The following ATAD2 variants were observed in gnomAD, a reference collection of about 807,000 sequenced individuals.
The protein encoded by ATAD2 is ATPase family AAA domain containing 2, also known as ATPase family AAA domain-containing protein 2.
In ATAD2, 62 loss-of-function variants were observed where a neutral mutation model predicts 168.9. The ratio of observed to expected loss-of-function variants is 0.37; its 90% CI spans 0.30 to 0.45. The LOEUF (loss-of-function observed/expected upper bound fraction) is 0.45. ATAD2 is among the 20% of genes least tolerant of loss of function. The pLI is 1.00. For missense variants in ATAD2, 1,419 were observed against 1,667.8 expected (o/e 0.85, Z 2.60); for synonymous variants, 613 against 571.6 (o/e 1.07, Z -1.03).
chr8:123,339,598 T>A, intron 19 of ATAD2, 152 bp from the exon 20 acceptor site: 1 of 716,536 alleles, frequency 1.4e-6, no homozygotes, highest in South Asian at 2.1e-5. Flanking sequence ...TATGTCCAAA[T>A]AAACCCATCA....
At chr8:123,369,619 T>C (rs1829079119) in intron 7 of ATAD2, among the ~76,000 whole-genome samples, 1 of 152,176 alleles carries the variant, frequency 6.6e-6, no homozygotes, top group Non-Finnish European at 1.5e-5. Context: ...AGCCCAGTTA[T>C]TTGCTTTGGT....
chr8:123,389,985 T>TATATATATATATATATATA (rs1554647643), intron 1 of ATAD2, among the ~76,000 whole-genome samples: 9 of 70,796 alleles, frequency 1.3e-4, no homozygotes, highest in Admixed American at 3.2e-4. Flanking sequence ...TATATATATA[T>TATATATATATATATATATA]TTTTTTTTTT....
At chr8:123,384,720 C>G (rs1320281523) in intron 1 of ATAD2, among the ~76,000 whole-genome samples, 2 of 152,242 alleles carry the variant, frequency 1.3e-5, no homozygotes, top group Non-Finnish European at 2.9e-5. Flanking sequence ...GAACTTCAAC[C>G]ATGTGAGATC....
rs763289718 is a variant in ATAD2, at chr8:123,347,168, A to G, written c.2136T>C (p.Thr712=). 9.3e-6 allele frequency: 15 copies of G among 1,614,192 alleles called. No homozygotes were observed. The highest frequency in any genetic ancestry group is 1.3e-5 in the Non-Finnish European group (15 of 1,180,028). ...GCAGGGCTTCTAAAATCTTGTCAAC[A>G]GTGTTTTGCAGGAGTGGTTTCACAA... ...STVVKPLLQN[T]VDKILEALQR... The change falls in exon 16 of 28, where the codon ACT becomes ACC. Residue 712 remains threonine (T), a synonymous_variant. Coordinates refer to ENST00000287394, the MANE Select transcript of ATAD2 (RefSeq NM_014109.4).
At chr8:123,401,127 G>A (rs566081415), upstream of ATAD2, 16 of 1,275,040 alleles carry the variant, frequency 1.3e-5, no homozygotes, top group African/African-American at 2.2e-4. Flanking sequence ...CAAGGATTGA[G>A]CTGGTGGTGG....
chr8:123,370,379 T>C (rs900824198), intron 6 of ATAD2, among the ~76,000 whole-genome samples: 2 of 152,120 alleles, frequency 1.3e-5, no homozygotes, highest in Non-Finnish European at 2.9e-5. Context: ...CATAACTTTT[T>C]GACAAGTTTT....
Position 123,321,194 on chromosome 8 carries a change from G to C in ATAD2, c.4132-19C>G, listed in dbSNP as rs769322405. 1.3e-6 allele frequency: 2 copies of C among 1,597,622 alleles called. No individual in the cohort carries two copies. The highest frequency in any genetic ancestry group is 2.7e-5 in the African/African-American group (2 of 74,048). On this transcript the variant is annotated intron_variant, in intron 27 of 27. Coordinates refer to ENST00000287394, the MANE Select transcript of ATAD2 (RefSeq NM_014109.4). ...CCATTTTCTAGATAAAGGGGAGGAA[G>C]AGCAAATAGTAAGTTTCAATATGGA... is the stretch of plus-strand genomic sequence containing the variant.
intron 1 of ATAD2, among the ~76,000 whole-genome samples, chr8:123,392,255 G>C (rs950045392): frequency 1.3e-5 from 2 of 152,164 alleles, no homozygotes; most frequent in African/African-American, 4.8e-5. Context: ...TTGGGGAAGA[G>C]AGAAAAATAC....
chr8:123,405,473 A>G (rs1238438924), intron 1 of ATAD2, among the ~76,000 whole-genome samples: 2 of 151,362 alleles, frequency 1.3e-5, no homozygotes, highest in African/African-American at 4.9e-5. Flanking sequence ...CATATCGGCC[A>G]AGCTAGTCTC....
intron 20 of ATAD2, 74 bp downstream of exon 20, chr8:123,339,237 A>G (rs1483056458): frequency 1.0e-5 from 13 of 1,272,292 alleles, no homozygotes; most frequent in South Asian, 1.6e-5. Flanking sequence ...TATCAGATAC[A>G]TGTCAATGCC....
chr8:123,373,375 TC>T (rs1829207450), intron 2 of ATAD2, among the ~76,000 whole-genome samples: 1 of 152,064 alleles, frequency 6.6e-6, no homozygotes. Flanking sequence ...TTTCTTATAT[TC>T]CATGATACTA....
chr8:123,416,285 G>A (rs1813276097), exon 1 of ATAD2: 1 of 153,062 alleles, frequency 6.5e-6, no homozygotes, highest in Admixed American at 6.5e-5. Context: ...GCCCCTGGTT[G>A]GAAGAGCCTC....
At chr8:123,369,196 T>G in intron 7 of ATAD2, 21 bp from the exon 8 acceptor site, 3 of 830,248 alleles carry the variant, frequency 3.6e-6, no homozygotes, top group Non-Finnish European at 4.9e-6. Flanking sequence ...GAAATATATA[T>G]ATATATTTGT....
At chr8:123,393,462 T>G (rs1451262540) in intron 1 of ATAD2, among the ~76,000 whole-genome samples, 1 of 150,306 alleles carries the variant, frequency 6.7e-6, no homozygotes, top group East Asian at 2.0e-4. Flanking sequence ...GTGAGCCACG[T>G]TGGTGCCACT....
At chr8:123,334,974 G>A (rs1827876106) in intron 22 of ATAD2, among the ~76,000 whole-genome samples, 1 of 152,178 alleles carries the variant, frequency 6.6e-6, no homozygotes, top group South Asian at 2.1e-4. Flanking sequence ...CCTGAAGAAA[G>A]TCAGGGCAAG....
intron 1 of ATAD2, among the ~76,000 whole-genome samples, chr8:123,410,620 A>G (rs976981346): frequency 1.3e-5 from 2 of 152,276 alleles, no homozygotes; most frequent in Admixed American, 6.5e-5. Flanking sequence ...TTTCAATCTA[A>G]AAAGTAATTC....
chr8:123,407,832 G>C (rs1380147088), intron 1 of ATAD2, among the ~76,000 whole-genome samples: 1 of 148,058 alleles, frequency 6.8e-6, no homozygotes, highest in Non-Finnish European at 1.5e-5. Flanking sequence ...CAGCTTGGGT[G>C]ACGGAGTGAG....
intron 24 of ATAD2, among the ~76,000 whole-genome samples, chr8:123,332,121 T>C (rs138588018): frequency 1.3e-5 from 2 of 152,358 alleles, no homozygotes; most frequent in East Asian, 3.9e-4. Flanking sequence ...TGTCTATACA[T>C]ATTGTATGCA....
chr8:123,377,090 T>TTAAAAAAAAAA (rs1297063054), intron 2 of ATAD2, among the ~76,000 whole-genome samples: 1 of 622 alleles, frequency 1.6e-3, no homozygotes, highest in African/African-American at 4.3e-3. Context: ...AGACTCCGTC[T>TTAAAAAAAAAA]CAAAAAAAAA....
Sources: allele counts gnomAD v4.1 joint callset (sites outside exome capture counted in the v4.1 genomes callset), GRCh38; gene constraint gnomAD v4.1.1; transcripts MANE v1.5; gene names NCBI Gene and HGNC (gene_info 2026-07-23, HGNC 2026-07-21).